Variants in CCT6B observed in about 807,000 individuals in gnomAD.
CCT6B encodes the protein chaperonin containing TCP1 subunit 6B.
A neutral mutation model predicts 61.5 loss-of-function variants in CCT6B; 49 were observed. The ratio of observed to expected loss-of-function variants is 0.80; its 90% CI spans 0.63 to 1.01. The LOEUF is 1.01. Ranked by LOEUF, CCT6B falls within the 50% of genes least tolerant of loss-of-function variation. CCT6B has a pLI of 0.00. For synonymous variants in CCT6B, 228 were observed against 214.5 expected, an observed-to-expected ratio of 1.06 and a Z score of -0.55; for missense variants, 666 against 634.7, an observed-to-expected ratio of 1.05 and a Z score of -0.53.
intron 10 of CCT6B, among the ~76,000 whole-genome samples, chr17:34,938,752 A>C (rs904520233): frequency 1.9e-4 from 29 of 151,992 alleles, no homozygotes; most frequent in African/African-American, 6.5e-4. Flanking sequence ...AAAAGAAATA[A>C]ATAGATTAAA....
Position 34,930,967 on chromosome 17 carries a change from C to T in CCT6B, c.1432G>A (p.Gly478Ser). The T allele has an allele frequency of 6.3e-7, 1 of 1,596,814 alleles. No individual in the cohort carries two copies. The highest frequency in any genetic ancestry group is 8.6e-7 in the Non-Finnish European group (1 of 1,166,660). The change falls in exon 12 of 14, where the codon GGC becomes AGC. Residue 478 changes from glycine to serine, a missense_variant. By Grantham distance (56) the Gly-to-Ser change is moderately conservative (BLOSUM62 0). Coordinates refer to ENST00000314144, the MANE Select transcript of CCT6B (RefSeq NM_006584.4). ...TTCTTACCTGTATTCAAATCTACGC[C>T]CACAAGTTGTTTTGACTCGACATGC... ...AEHVESKQLVGVDLNTGEPMV... is the reference protein window; with the variant it reads ...AEHVESKQLVSVDLNTGEPMV...
intron 5 of CCT6B, chr17:34,949,509 G>GGA (rs143953518): frequency 7.0e-6 from 1 of 142,788 alleles, no homozygotes; most frequent in Non-Finnish European, 1.5e-5. Context: ...AAGAAGGAAG[G>GGA]AGGGAGGGAG....
chr17:34,959,722 T>C, intron 1 of CCT6B, 72 bp from the exon 2 acceptor site: 3 of 1,046,306 alleles, frequency 2.9e-6, no homozygotes, highest in Non-Finnish European at 4.5e-6. Context: ...TCCATTATCC[T>C]TAATAGAGGG....
chr17:34,937,149 T>G (rs2090103616), intron 10 of CCT6B, among the ~76,000 whole-genome samples: 1 of 151,660 alleles, frequency 6.6e-6, no homozygotes, highest in African/African-American at 2.4e-5. Context: ...CAGAGTAAGA[T>G]CCTTTCTAAA....
At position 34,948,904 on chromosome 17, in the gene CCT6B, G is replaced by A. The variant is rs111271615; in HGVS notation, c.614+3046C>T. On this transcript the variant is annotated intron_variant, in intron 5 of 13. Coordinates refer to ENST00000314144, the MANE Select transcript of CCT6B (RefSeq NM_006584.4). ...ATAAAAATTAGCCAGACATGGTGGCGCATATCTGTAGTCCCAGCTACTCAA... is the reference window on the plus strand; with the variant it reads ...ATAAAAATTAGCCAGACATGGTGGCACATATCTGTAGTCCCAGCTACTCAA... Among the ~76,000 whole-genome samples, 474 of 151,586 alleles carry A rather than the reference G, an allele frequency of 3.1e-3. 2 individuals carry two copies. Among genetic ancestry groups the A allele is most frequent in the African/African-American group, 0.01 (428 of 41,312 alleles).
At chr17:34,960,377 G>A (rs1160753920) in intron 1 of CCT6B, among the ~76,000 whole-genome samples, 1 of 152,080 alleles carries the variant, frequency 6.6e-6, no homozygotes, top group Admixed American at 6.5e-5. Context: ...TGTTGGATTT[G>A]CACCATTGGT....
Position 34,928,962 on chromosome 17 carries a change from C to T in CCT6B, c.1523G>A (p.Cys508Tyr), listed in dbSNP as rs773900489. ...YCVKKQLLHS[C>Y]TVIATNILLV... ...TCACTTTATGTTCATATGAACTTACCAAGAGTGAAGAAGTTGTTTTTTTAC... is the reference window on the plus strand; with the variant it reads ...TCACTTTATGTTCATATGAACTTACTAAGAGTGAAGAAGTTGTTTTTTTAC... Residue 508 changes from cysteine (C) to tyrosine (Y), a missense_variant and splice_region_variant, in exon 13 of 14, where the codon TGC becomes TAC. By Grantham distance (194) the Cys-to-Tyr change is radical (BLOSUM62 -2). Transcript: ENST00000314144. 1.3e-6 allele frequency: 2 copies of T among 1,542,576 alleles called. No homozygotes were observed. Among genetic ancestry groups the T allele is most frequent in the East Asian group, 2.3e-5 (1 of 44,430 alleles).
At chr17:34,959,718 ATCCT>A in intron 1 of CCT6B, 68 bp from the exon 2 acceptor site, 2 of 1,103,310 alleles carry the variant, frequency 1.8e-6, no homozygotes, top group Non-Finnish European at 2.8e-6. Context: ...CCACTCCATT[ATCCT>A]TAATAGAGGG....
chr17:34,939,086 A>G, intron 10 of CCT6B, 97 bp downstream of exon 10: 3 of 1,040,676 alleles, frequency 2.9e-6, no homozygotes, highest in Non-Finnish European at 4.1e-6. Flanking sequence ...TCTGTCTAAA[A>G]ATATACATAT....
intron 5 of CCT6B, chr17:34,944,564 G>A (rs1355322754): frequency 6.6e-6 from 1 of 152,160 alleles, no homozygotes; most frequent in African/African-American, 2.4e-5. Flanking sequence ...TCTCTCTTGA[G>A]CCACCTTCAA....
chr17:34,955,647 G>A (rs915871697), intron 3 of CCT6B, among the ~76,000 whole-genome samples: 4 of 152,262 alleles, frequency 2.6e-5, no homozygotes, highest in African/African-American at 9.6e-5. Context: ...CACAAACTTT[G>A]TGAAAGCTAG....
At chr17:34,955,708 T>C (rs933429797) in intron 3 of CCT6B, among the ~76,000 whole-genome samples, 4 of 152,222 alleles carry the variant, frequency 2.6e-5, no homozygotes, top group Non-Finnish European at 4.4e-5. Context: ...CAATCCTTAA[T>C]AATCTTTAAA....
intron 13 of CCT6B, 25 bp from the exon 14 acceptor site, chr17:34,928,142 G>C (rs1288463096): frequency 5.8e-6 from 9 of 1,541,862 alleles, no homozygotes; most frequent in Non-Finnish European, 8.0e-6. Flanking sequence ...GAGAGGGTGA[G>C]TAAAGCCTAC....
intron 5 of CCT6B, among the ~76,000 whole-genome samples, chr17:34,948,440 C>T (rs1307483569): frequency 6.6e-6 from 1 of 152,074 alleles, no homozygotes; most frequent in Non-Finnish European, 1.5e-5. Flanking sequence ...CTGGGCCGGG[C>T]ACAGTGGCTC....
chr17:34,927,868 T>C lies in CCT6B; in HGVS notation c.*180A>G. 2.2e-6 allele frequency: 1 copy of C among 447,848 alleles called. No homozygotes were observed. The highest frequency in any genetic ancestry group is 4.0e-6 in the Non-Finnish European group (1 of 250,510). The allele number at this position is 447,848 out of a possible 1,614,324, so 27.7% of individuals were successfully genotyped here. On this transcript the variant is annotated 3_prime_UTR_variant, in exon 14 of 14. Coordinates refer to ENST00000314144, the MANE Select transcript of CCT6B (RefSeq NM_006584.4). The stretch of plus-strand genomic sequence containing the variant: ...ATATTTAAATATTATTCCTTTACTG[T>C]AAAAGTATTTATTGTGTTCTTTATA...
In CCT6B at chr17:34,943,799, A is replaced by G. The variant is rs1306144604; in HGVS notation, c.615-893T>C. 5 of 150,986 alleles carry G rather than the reference A, an allele frequency of 3.3e-5. No homozygotes were observed. In the East Asian group the frequency reaches 9.6e-4, roughly 29 times the overall value. 9.4% of individuals were successfully genotyped at this position (150,986 alleles called of 1,614,324 possible). A position where few individuals can be genotyped will look rare whatever the true frequency, so the allele number is the denominator to read the frequency against. ...AAATAAATAAATAAATTTAAAAAAA[A>G]AAACAACTTGGCATTAAAAAGAAAA... On this transcript the variant is annotated intron_variant, in intron 5 of 13. Coordinates refer to ENST00000314144, the MANE Select transcript of CCT6B (RefSeq NM_006584.4).
chr17:34,948,215 G>A (rs950434470), intron 5 of CCT6B, among the ~76,000 whole-genome samples: 7 of 151,798 alleles, frequency 4.6e-5, no homozygotes, highest in South Asian at 4.2e-4. Context: ...CCTTCCCCCC[G>A]GGGTCCCCAA....
At chr17:34,929,806 G>C (rs955763318) in intron 12 of CCT6B, among the ~76,000 whole-genome samples, 1 of 152,046 alleles carries the variant, frequency 6.6e-6, no homozygotes, top group Non-Finnish European at 1.5e-5. Flanking sequence ...GAGCCACTGC[G>C]CCTGGCCTGA....
At chr17:34,930,883 C>A (rs1428593749) in intron 12 of CCT6B, 66 bp downstream of exon 12, 5 of 773,758 alleles carry the variant, frequency 6.5e-6, no homozygotes, top group African/African-American at 5.1e-5. Flanking sequence ...ACTCCTTTAC[C>A]ATAAGATCTG....
Sources: allele counts gnomAD v4.1 joint callset (sites outside exome capture counted in the v4.1 genomes callset), GRCh38; gene constraint gnomAD v4.1.1; transcripts MANE v1.5; gene names NCBI Gene and HGNC (gene_info 2026-07-23, HGNC 2026-07-21).